The following MFSD12 variants were observed in gnomAD, a reference collection of about 807,000 sequenced individuals.
MFSD12 encodes the protein major facilitator superfamily domain containing 12.
MFSD12 carries 67 observed loss-of-function variants against 51.2 expected under a neutral mutation model. The ratio of observed to expected loss-of-function variants is 1.31; its 90% CI spans 1.08 to 1.60. The LOEUF is 1.60. MFSD12 is among the 40% of genes most tolerant of loss of function. The pLI, the probability that MFSD12 is intolerant of heterozygous loss-of-function variation, is 0.00. For missense variants in MFSD12, 921 were observed against 673.0 expected (o/e 1.37, Z -4.08); for synonymous variants, 441 against 316.7 (o/e 1.39, Z -4.17).
chr19:3,552,775 A>C (rs2031545125), intron 1 of MFSD12, among the ~76,000 whole-genome samples: 1 of 152,110 alleles, frequency 6.6e-6, no homozygotes, highest in Non-Finnish European at 1.5e-5. Context: ...TTGAGCCACC[A>C]TACCGGCTGT....
At chr19:3,542,170 A>T (rs1328810621), downstream of MFSD12, 3 of 985,282 alleles carry the variant, frequency 3.0e-6, no homozygotes, top group Non-Finnish European at 3.6e-6. Context: ...TCATTTCAAA[A>T]GGGTGAGGTT....
intron 1 of MFSD12, among the ~76,000 whole-genome samples, chr19:3,554,394 G>A (rs1342244024): frequency 6.7e-6 from 1 of 148,858 alleles, no homozygotes; most frequent in South Asian, 2.1e-4. Flanking sequence ...CCGAGATCCC[G>A]CTACTGCACT....
intron 2 of MFSD12, among the ~76,000 whole-genome samples, chr19:3,550,034 G>C (rs1400116669): frequency 9.1e-6 from 1 of 110,024 alleles, no homozygotes; most frequent in East Asian, 2.7e-4. Flanking sequence ...TCTCCCTGCT[G>C]GCCTCAGAAG....
Position 3,544,796 on chromosome 19 carries a change from G to A in MFSD12, c.1420+13C>T, listed in dbSNP as rs2030816196. 1 of 1,546,952 alleles carries A rather than the reference G, an allele frequency of 6.5e-7. No homozygotes were observed. Among genetic ancestry groups the A allele is most frequent in the South Asian group, 1.1e-5 (1 of 89,554 alleles). On this transcript the variant is annotated intron_variant, in intron 9 of 9. Transcript: ENST00000355415. Reference sequence around the variant, plus strand: ...GTCAGTGTCTGGGGAGGGAGGGGTGGGCCAGGACTCACAGCGTCGCAGGCG... The same window carrying A: ...GTCAGTGTCTGGGGAGGGAGGGGTGAGCCAGGACTCACAGCGTCGCAGGCG...
At chr19:3,541,933 C>A (rs373711227), downstream of MFSD12, 63 of 497,476 alleles carry the variant, frequency 1.3e-4, 1 homozygote, top group East Asian at 3.9e-3. Flanking sequence ...CCTCAGCTTC[C>A]CGAGTAGCTG....
At chr19:3,552,757 T>C (rs542203272) in intron 1 of MFSD12, among the ~76,000 whole-genome samples, 26 of 152,278 alleles carry the variant, frequency 1.7e-4, no homozygotes, top group South Asian at 1.4e-3. Context: ...AGTGCTCGGA[T>C]TACAGACTTG....
intron 1 of MFSD12, among the ~76,000 whole-genome samples, chr19:3,556,651 G>T (rs1249941779): frequency 1.3e-5 from 2 of 151,840 alleles, no homozygotes; most frequent in African/African-American, 4.8e-5. Flanking sequence ...GGGACAGGCA[G>T]GGGAGGCTCA....
intron 1 of MFSD12, among the ~76,000 whole-genome samples, chr19:3,555,003 G>A (rs1048522804): frequency 3.9e-5 from 6 of 152,256 alleles, no homozygotes; most frequent in African/African-American, 1.4e-4. Flanking sequence ...GAAGAGGGGT[G>A]ACGGTGGACG....
Position 3,557,501 on chromosome 19 carries a change from A to G in MFSD12, c.-98T>C. The G allele has an allele frequency of 1.3e-6, 1 of 751,548 alleles. No homozygotes were observed. The highest frequency in any genetic ancestry group is 1.7e-6 in the Non-Finnish European group (1 of 580,998). 46.6% of individuals were successfully genotyped at this position (751,548 alleles called of 1,614,324 possible). On this transcript the variant is annotated 5_prime_UTR_variant, in exon 1 of 10. Coordinates refer to ENST00000355415, the MANE Select transcript of MFSD12 (RefSeq NM_174983.5). ...GTGGGGGCAGGCGCCGGGGACCCCC[A>G]CCACGCGCCGGGCACCCCGCGTCCC... is the stretch of plus-strand genomic sequence containing the variant.
At chr19:3,539,225 G>A, downstream of MFSD12, 9 of 1,550,736 alleles carry the variant, frequency 5.8e-6, no homozygotes, top group South Asian at 4.8e-5. Context: ...TCCCCTCGGG[G>A]ACCCTCGAGG....
rs564234494 is a variant in MFSD12, at chr19:3,555,543, G to A, written c.298+1563C>T. On this transcript the variant is annotated intron_variant, in intron 1 of 9. Coordinates refer to ENST00000355415, the MANE Select transcript of MFSD12 (RefSeq NM_174983.5). The stretch of plus-strand genomic sequence containing the variant: ...ACAGCCGGTCCCCTCCCTGTCTGCC[G>A]CCGCCTCAGGTACCCCAGGAATAGC... Among the ~76,000 whole-genome samples, 36 of 152,274 alleles carry A rather than the reference G, an allele frequency of 2.4e-4. No homozygotes were observed. In the South Asian group the frequency reaches 2.7e-3, roughly 11 times the overall value.
In MFSD12 at chr19:3,557,272, C is replaced by T. The variant is rs778247642; in HGVS notation, c.132G>A (p.Leu44=). The T allele has an allele frequency of 3.1e-6, 5 of 1,597,934 alleles. No homozygotes were observed. Among genetic ancestry groups the T allele is most frequent in the East Asian group, 2.3e-5 (1 of 43,684 alleles). The change falls in exon 1 of 10, where the codon CTG becomes CTA. Residue 44 remains leucine, a synonymous_variant. Transcript: ENST00000355415. ...AGGCGCGCACCGAGTGCAGGTAGAGCAGCAGGTAGGTGAACCACATGGACG... is the reference window on the plus strand; with the variant it reads ...AGGCGCGCACCGAGTGCAGGTAGAGTAGCAGGTAGGTGAACCACATGGACG... ...LCASMWFTYL[L]LYLHSVRAYS...
chr19:3,543,687 C>G, downstream of MFSD12: 1 of 1,531,048 alleles, frequency 6.5e-7, no homozygotes, highest in African/African-American at 1.4e-5. Flanking sequence ...TACGGTGAGG[C>G]TAGGTGCAGG....
chr19:3,546,564 G>A lies in MFSD12; in HGVS notation c.1024-139C>T, dbSNP rs560519309. 2.3e-4 allele frequency: 237 copies of A among 1,009,344 alleles called. 1 individual carries two copies. In the African/African-American group the frequency reaches 3.4e-3, roughly 15 times the overall value. 62.5% of individuals were successfully genotyped at this position (1,009,344 alleles called of 1,614,324 possible). ...CCTAAGGAGCCCTGGCTCTGGCCCT[G>A]GACACAACACCGAGGCTCTGCAGAT... is the stretch of plus-strand genomic sequence containing the variant. On this transcript the variant is annotated intron_variant, in intron 6 of 9. Transcript: ENST00000355415.
chr19:3,546,219 C>A, intron 7 of MFSD12, 36 bp downstream of exon 7: 1 of 1,606,708 alleles, frequency 6.2e-7, no homozygotes, highest in Non-Finnish European at 8.5e-7. Context: ...ATCTAGGACC[C>A]GGCCTCCCCC....
Position 3,557,261 on chromosome 19 carries a change from T to C in MFSD12, c.143A>G (p.His48Arg), listed in dbSNP as rs768076216. Residue 48 changes from histidine (H) to arginine (R), a missense_variant, in exon 1 of 10, where the codon CAC becomes CGC. His to Arg is a conservative substitution (Grantham distance 29, BLOSUM62 0). Transcript: ENST00000355415. ...MWFTYLLLYL[H>R]SVRAYSSRGA... Reference sequence around the variant, plus strand: ...GCGGGAGCTGTAGGCGCGCACCGAGTGCAGGTAGAGCAGCAGGTAGGTGAA... The same window carrying C: ...GCGGGAGCTGTAGGCGCGCACCGAGCGCAGGTAGAGCAGCAGGTAGGTGAA... 4.4e-6 allele frequency: 7 copies of C among 1,597,190 alleles called. No individual in the cohort carries two copies. Among genetic ancestry groups the C allele is most frequent in the Non-Finnish European group, 6.0e-6 (7 of 1,173,584 alleles).
In MFSD12 at chr19:3,551,307, C is replaced by T. The variant is rs2031465933; in HGVS notation, c.299-113G>A. 3 of 808,352 alleles carry T rather than the reference C, an allele frequency of 3.7e-6. No homozygotes were observed. The highest frequency in any genetic ancestry group is 3.6e-5 in the South Asian group (2 of 55,240). 50.1% of individuals were successfully genotyped at this position (808,352 alleles called of 1,614,324 possible). On this transcript the variant is annotated intron_variant, in intron 1 of 9. Coordinates refer to ENST00000355415, the MANE Select transcript of MFSD12 (RefSeq NM_174983.5). The surrounding 1 kb of genome is among the most constrained non-coding windows in gnomAD (Gnocchi z 4.6). The stretch of plus-strand genomic sequence containing the variant: ...ACTGAGGCACAGATGGAGACGCCCC[C>T]CGCATGCACACAGTCACGCAGGAGC...
At chr19:3,543,293 C>G (rs990754264), downstream of MFSD12, 6 of 1,548,540 alleles carry the variant, frequency 3.9e-6, no homozygotes, top group Non-Finnish European at 5.2e-6. Context: ...GCAGGCCACA[C>G]GCTGGAAGTA....
chr19:3,547,766 C>A, intron 4 of MFSD12, 82 bp downstream of exon 4: 1 of 1,431,302 alleles, frequency 7.0e-7, no homozygotes. Context: ...TGCTCTGCGT[C>A]TGGACGCAGC....
Sources: gnomAD v4.1 joint callset for allele counts (sites outside exome capture counted in the v4.1 genomes callset) on GRCh38, gnomAD v4.1.1 for gene constraint, Gnocchi (gnomAD v3.1) non-coding constraint, MANE v1.5 for transcripts, NCBI Gene and HGNC (gene_info 2026-07-23, HGNC 2026-07-21) for gene names.